Variants in IMMP2L observed in about 807,000 individuals in gnomAD.
IMMP2L encodes inner mitochondrial membrane peptidase subunit 2, also known as mitochondrial inner membrane protease subunit 2.
A neutral mutation model predicts 19.3 loss-of-function variants in IMMP2L; 18 were observed. The observed-to-expected ratio is 0.93, with a 90% CI of 0.64 to 1.38. The LOEUF is 1.38. Among genes scored for constraint, IMMP2L ranks in the 40% most tolerant of loss-of-function variants. IMMP2L has a pLI of 0.00. For missense variants in IMMP2L, 233 were observed against 218.2 expected (o/e 1.07, Z -0.43); for synonymous variants, 76 against 73.0 (o/e 1.04, Z -0.21).
At chr7:110,827,077 A>G (rs924109112) in intron 5 of IMMP2L, among the ~76,000 whole-genome samples, 2 of 152,122 alleles carry the variant, frequency 1.3e-5, no homozygotes, top group African/African-American at 4.8e-5. Context: ...CAGAGTAAAA[A>G]TGACAAATTT....
chr7:110,881,440 T>C (rs959797094), intron 5 of IMMP2L, among the ~76,000 whole-genome samples: 1 of 152,194 alleles, frequency 6.6e-6, no homozygotes, highest in Non-Finnish European at 1.5e-5. Flanking sequence ...CATAAAACTA[T>C]TGTTACCAAT....
At chr7:111,326,023 C>T (rs1255077542) in intron 3 of IMMP2L, among the ~76,000 whole-genome samples, 1 of 151,748 alleles carries the variant, frequency 6.6e-6, no homozygotes. Context: ...TACTGTAAAA[C>T]ATGCTGTGTT....
At chr7:111,162,958 C>T (rs1011828887) in intron 3 of IMMP2L, among the ~76,000 whole-genome samples, 2 of 152,068 alleles carry the variant, frequency 1.3e-5, no homozygotes, top group Non-Finnish European at 2.9e-5. Context: ...AAAAGCTCAA[C>T]ACTGCCAGGA....
chr7:111,417,967 C>T (rs1412088021), intron 3 of IMMP2L, among the ~76,000 whole-genome samples: 1 of 151,736 alleles, frequency 6.6e-6, no homozygotes, highest in Non-Finnish European at 1.5e-5. Flanking sequence ...ATAATAAAAA[C>T]AAAATCTTCC....
rs1814624589 is a variant in IMMP2L, at chr7:110,924,383, C to T, written c.306-37688G>A. On this transcript the variant is annotated intron_variant, in intron 4 of 5. Transcript: ENST00000405709. The surrounding 1 kb of genome is among the most constrained non-coding windows in gnomAD (Gnocchi z 4.2). ...GTCCTCTGGAGGTTCCATTTCAGCG[C>T]TACCTTTGCCAACGGAGTCCTGCAA... is the stretch of plus-strand genomic sequence containing the variant. Among the ~76,000 whole-genome samples the T allele has an allele frequency of 6.6e-6, 1 of 152,096 alleles. No homozygotes were observed. The highest frequency in any genetic ancestry group is 2.1e-4 in the South Asian group (1 of 4,832).
At chr7:111,265,502 G>A (rs958394167) in intron 3 of IMMP2L, among the ~76,000 whole-genome samples, 1 of 152,152 alleles carries the variant, frequency 6.6e-6, no homozygotes, top group African/African-American at 2.4e-5. Flanking sequence ...ATCAAGGATT[G>A]AAGGATGGGG....
chr7:110,838,249 A>G lies in IMMP2L; in HGVS notation c.408+48344T>C, dbSNP rs558871839. Among the ~76,000 whole-genome samples, 7 of 152,288 alleles carry G rather than the reference A, an allele frequency of 4.6e-5. No individual in the cohort carries two copies. The South Asian group carries it at 1.0e-3, about 23-fold the overall frequency. On this transcript the variant is annotated intron_variant, in intron 5 of 5. Coordinates refer to ENST00000405709, the MANE Select transcript of IMMP2L (RefSeq NM_032549.4). ...CTATAAATAATATACATGTTCTACT[A>G]TTAAGCAATATTTTGACTTAATGCT...
At chr7:111,388,295 G>A (rs915756160) in intron 3 of IMMP2L, among the ~76,000 whole-genome samples, 4 of 151,974 alleles carry the variant, frequency 2.6e-5, no homozygotes, top group Non-Finnish European at 5.9e-5. Flanking sequence ...AGTATAAAAA[G>A]GGGAAATTGG....
rs1811337602 is a variant in IMMP2L, at chr7:110,896,496, T to TAATTTAC, written c.306-9802_306-9801insGTAAATT. On this transcript the variant is annotated intron_variant, in intron 4 of 5. Transcript: ENST00000405709. ...AAAAAAAATATTTATCCATTTTCAA[T>TAATTTAC]TGGATTGTTTGTCTTTTTTAAAAAT... Among the ~76,000 whole-genome samples, 2 of 27,532 alleles carry TAATTTAC rather than the reference T, an allele frequency of 7.3e-5. 1 individual carries two copies. The highest frequency in any genetic ancestry group is 1.1e-4 in the Non-Finnish European group (2 of 18,150). 18.1% of individuals were successfully genotyped at this position (27,532 alleles called of 152,430 possible).
Position 111,343,570 on chromosome 7 carries a change from G to A in IMMP2L, c.239+143668C>T, listed in dbSNP as rs112980688. ...GCAACCACATAGTGTGTAATGTCCC[G>A]TCTTCTCCACTATCAGCAAGAGAGG... On this transcript the variant is annotated intron_variant, in intron 3 of 5. Coordinates refer to ENST00000405709, the MANE Select transcript of IMMP2L (RefSeq NM_032549.4). Among the ~76,000 whole-genome samples the A allele has an allele frequency of 7.2e-5, 11 of 152,136 alleles. No individual in the cohort carries two copies. In the South Asian group the frequency reaches 1.0e-3, roughly 14 times the overall value.
intron 5 of IMMP2L, among the ~76,000 whole-genome samples, chr7:110,689,509 T>A (rs1793349689): frequency 6.6e-6 from 1 of 152,208 alleles, no homozygotes; most frequent in South Asian, 2.1e-4. Context: ...AATTTCAAAC[T>A]GCTATATTTT....
chr7:111,252,493 T>C (rs1816256622), intron 3 of IMMP2L, among the ~76,000 whole-genome samples: 1 of 152,080 alleles, frequency 6.6e-6, no homozygotes, highest in Non-Finnish European at 1.5e-5. Context: ...GTCATATGAT[T>C]GGAGAAGAGA....
At chr7:110,771,723 C>G (rs1469385790) in intron 5 of IMMP2L, among the ~76,000 whole-genome samples, 2 of 152,114 alleles carry the variant, frequency 1.3e-5, no homozygotes, top group Non-Finnish European at 2.9e-5. Context: ...CAAAACCCAA[C>G]GAAGACTCCT....
chr7:111,279,231 G>T (rs1819434003), intron 3 of IMMP2L, among the ~76,000 whole-genome samples: 1 of 152,140 alleles, frequency 6.6e-6, no homozygotes, highest in African/African-American at 2.4e-5. Flanking sequence ...AGCAAAGTTG[G>T]AACTAATGTG....
intron 5 of IMMP2L, among the ~76,000 whole-genome samples, chr7:110,698,657 G>A (rs1266564255): frequency 6.6e-6 from 1 of 152,172 alleles, no homozygotes; most frequent in Non-Finnish European, 1.5e-5. Context: ...TGGCAGGGCT[G>A]GAAGACAGGA....
intron 3 of IMMP2L, among the ~76,000 whole-genome samples, chr7:110,995,535 A>G (rs981666967): frequency 1.6e-4 from 25 of 152,132 alleles, no homozygotes; most frequent in African/African-American, 6.0e-4. Context: ...GTTTGGTTCA[A>G]TGACAGGAGA....
At chr7:111,375,941 A>G (rs560843172) in intron 3 of IMMP2L, among the ~76,000 whole-genome samples, 2 of 152,266 alleles carry the variant, frequency 1.3e-5, no homozygotes, top group Admixed American at 6.5e-5. Flanking sequence ...ATAGTAATAC[A>G]AGAAACCTAA....
intron 3 of IMMP2L, among the ~76,000 whole-genome samples, chr7:111,055,587 CCT>C (rs1793433548): frequency 6.6e-6 from 1 of 152,174 alleles, no homozygotes; most frequent in Non-Finnish European, 1.5e-5. Context: ...TTCTTTGACC[CCT>C]GTCTGTTGTC....
intron 3 of IMMP2L, among the ~76,000 whole-genome samples, chr7:111,156,525 T>A (rs1470725948): frequency 1.3e-5 from 2 of 152,126 alleles, no homozygotes; most frequent in African/African-American, 2.4e-5. Context: ...AATATTTAAT[T>A]GGGATTACAT....
Sources: gnomAD v4.1 joint callset for allele counts (sites outside exome capture counted in the v4.1 genomes callset) on GRCh38, gnomAD v4.1.1 for gene constraint, Gnocchi (gnomAD v3.1) non-coding constraint, MANE v1.5 for transcripts, NCBI Gene and HGNC (gene_info 2026-07-23, HGNC 2026-07-21) for gene names.